C4orf36: variants seen among roughly 807,000 people sequenced by gnomAD.
C4orf36 encodes uncharacterized protein C4orf36.
In C4orf36, 11 loss-of-function variants were observed where a neutral mutation model predicts 12.2. The ratio of observed to expected loss-of-function variants is 0.90; its 90% CI spans 0.57 to 1.49. The LOEUF is 1.49. C4orf36 is among the 40% of genes most tolerant of loss of function. The pLI is 0.00. For missense variants in C4orf36, 137 were observed against 133.9 expected, an observed-to-expected ratio of 1.02 and a Z score of -0.11; for synonymous variants, 54 against 51.3, an observed-to-expected ratio of 1.05 and a Z score of -0.22.
At position 86,891,371 on chromosome 4, in the gene C4orf36, G is replaced by A. The variant is rs1295245634; in HGVS notation, c.65+85C>T. 10 of 1,237,700 alleles carry A rather than the reference G, an allele frequency of 8.1e-6. No homozygotes were observed. In the Admixed American group the frequency reaches 8.9e-5, roughly 11 times the overall value. The allele number at this position is 1,237,700 out of a possible 1,614,324, so 76.7% of individuals were successfully genotyped here. Reference sequence around the variant, plus strand: ...AGCCCAGTATCTCATGGGGAGCACAGAGTGTCCAGTCCTTTTATTTAACAA... The same window carrying A: ...AGCCCAGTATCTCATGGGGAGCACAAAGTGTCCAGTCCTTTTATTTAACAA... On this transcript the variant is annotated intron_variant, in intron 2 of 4. Coordinates refer to ENST00000295898, the MANE Select transcript of C4orf36 (RefSeq NM_144645.4).
the C4orf36 span, among the ~76,000 whole-genome samples, chr4:86,917,632 GAGAA>G: frequency 5.9e-3 from 884 of 150,580 alleles, 13 homozygotes; most frequent in African/African-American, 0.02. Flanking sequence ...AGAAGAGAAA[GAGAA>G]AGGAAGGAGG....
chr4:86,876,470 GATTTTATTTTATC>G, intron 4 of C4orf36, 27 bp from the exon 5 acceptor site: 1 of 1,613,058 alleles, frequency 6.2e-7, no homozygotes. Context: ...GGGAAAATAA[GATTTTATTTTATC>G]ATCCAAATGA....
chr4:86,931,232 T>C, the C4orf36 span, among the ~76,000 whole-genome samples: 1 of 152,108 alleles, frequency 6.6e-6, no homozygotes, highest in Non-Finnish European at 1.5e-5. Context: ...GAAGTCCCGC[T>C]CCTCCTCTTG....
chr4:86,897,354 C>T (rs369551590), upstream of C4orf36, among the ~76,000 whole-genome samples: 16 of 152,150 alleles, frequency 1.1e-4, no homozygotes, highest in Middle Eastern at 3.4e-3. Context: ...GAGTGAGACT[C>T]TGTCTCAAAA....
At chr4:86,912,701 T>C in the C4orf36 span, among the ~76,000 whole-genome samples, 104 of 152,338 alleles carry the variant, frequency 6.8e-4, no homozygotes, top group South Asian at 0.021. Context: ...TGCATGTGTT[T>C]GTGCATGTAT....
Position 86,891,472 on chromosome 4 carries a change from C to G in C4orf36, c.49G>C (p.Gly17Arg). 6.2e-7 allele frequency: 1 copy of G among 1,613,900 alleles called. No individual in the cohort carries two copies. The highest frequency in any genetic ancestry group is 8.5e-7 in the Non-Finnish European group (1 of 1,179,978). The change falls in exon 2 of 5, where the codon GGC (glycine) becomes CGC (arginine). Residue 17 changes from glycine to arginine, a missense_variant. Coordinates refer to ENST00000295898, the MANE Select transcript of C4orf36 (RefSeq NM_144645.4). ...AGTACTTACACATTATAACAACTGC[C>G]CCGCAAAATGGTTTTCACTGTGTTC... The part of the protein sequence containing the change: ...RKNTVKTILR[G>R]SCYNVQEPWD...
chr4:86,902,734 C>A, the C4orf36 span, among the ~76,000 whole-genome samples: 1 of 152,186 alleles, frequency 6.6e-6, no homozygotes, highest in African/African-American at 2.4e-5. Context: ...GCTTCTGACA[C>A]CTGTGCTGAC....
chr4:86,906,728 CAAAAAAAAAAAAA>C, the C4orf36 span, among the ~76,000 whole-genome samples: 2 of 78,824 alleles, frequency 2.5e-5, no homozygotes, highest in African/African-American at 1.2e-4. Flanking sequence ...AAGACGGTCT[CAAAAAAAAAAAAA>C]AAAAAAAAAA....
upstream of C4orf36, among the ~76,000 whole-genome samples, chr4:86,895,157 G>GA (rs1321833868): frequency 2.0e-5 from 3 of 151,606 alleles, no homozygotes; most frequent in South Asian, 4.2e-4. Context: ...ACAGAAAGTA[G>GA]AAAAAAAACT....
the C4orf36 span, chr4:86,913,825 CTTTTTTTTTT>C: frequency 1.3e-5 from 8 of 617,704 alleles, no homozygotes; most frequent in Middle Eastern, 4.6e-4. Flanking sequence ...TTTTCATCCA[CTTTTTTTTTT>C]TTTTTTTTTT....
the C4orf36 span, among the ~76,000 whole-genome samples, chr4:86,917,464 AAAAG>A: frequency 2.3e-5 from 2 of 88,106 alleles, no homozygotes; most frequent in Non-Finnish European, 3.1e-5. Context: ...AGAAAGAAAG[AAAAG>A]AAAGAAATAA....
At chr4:86,902,448 A>G in the C4orf36 span, among the ~76,000 whole-genome samples, 14 of 150,876 alleles carry the variant, frequency 9.3e-5, no homozygotes, top group African/African-American at 3.2e-4. Flanking sequence ...AAAAAGAAAG[A>G]AAGAAAGAAA....
the C4orf36 span, among the ~76,000 whole-genome samples, chr4:86,928,315 G>A: frequency 6.6e-6 from 1 of 152,216 alleles, no homozygotes; most frequent in South Asian, 2.1e-4. Context: ...GGGATCTGTA[G>A]AAGCTGGGGC....
the C4orf36 span, among the ~76,000 whole-genome samples, chr4:86,918,779 G>A: frequency 1.4e-5 from 2 of 147,418 alleles, no homozygotes; most frequent in Non-Finnish European, 3.0e-5. Context: ...GGGTTCTCCA[G>A]AGAGACAGAA....
chr4:86,892,648 A>C (rs1391616572), upstream of C4orf36, among the ~76,000 whole-genome samples: 1 of 152,220 alleles, frequency 6.6e-6, no homozygotes, highest in Non-Finnish European at 1.5e-5. Context: ...GCTGCATCCA[A>C]GCGATCTGGA....
At chr4:86,900,611 G>C in the C4orf36 span, among the ~76,000 whole-genome samples, 3 of 152,106 alleles carry the variant, frequency 2.0e-5, no homozygotes, top group African/African-American at 7.2e-5. Context: ...TGGCCAGGTT[G>C]GTTAAGACAC....
chr4:86,894,959 C>T (rs1359455429), upstream of C4orf36, among the ~76,000 whole-genome samples: 1 of 152,164 alleles, frequency 6.6e-6, no homozygotes, highest in Non-Finnish European at 1.5e-5. Context: ...AATTCTGAGC[C>T]AGAACCACCC....
intron 2 of C4orf36, among the ~76,000 whole-genome samples, chr4:86,890,853 G>A (rs937060596): frequency 6.6e-6 from 1 of 152,164 alleles, no homozygotes; most frequent in Non-Finnish European, 1.5e-5. Flanking sequence ...AATCCACACC[G>A]CATAGCCAAT....
chr4:86,926,558 G>C, the C4orf36 span, among the ~76,000 whole-genome samples: 1 of 152,290 alleles, frequency 6.6e-6, no homozygotes, highest in Admixed American at 6.5e-5. Context: ...TGCAGGTTAT[G>C]GTCCTCATAG....
Sources: gnomAD v4.1 joint callset for allele counts (sites outside exome capture counted in the v4.1 genomes callset) on GRCh38, gnomAD v4.1.1 for gene constraint, MANE v1.5 for transcripts, NCBI Gene and HGNC (gene_info 2026-07-23, HGNC 2026-07-21) for gene names.